ST6GALNAC3: variants seen among roughly 807,000 people sequenced by gnomAD.
ST6GALNAC3 encodes alpha-N-acetylgalactosaminide alpha-2,6-sialyltransferase 3.
Under a neutral mutation model 32.7 loss-of-function variants are expected in ST6GALNAC3, and 25 were observed. The observed-to-expected ratio is 0.76, with a 90% CI of 0.56 to 1.07. The LOEUF (loss-of-function observed/expected upper bound fraction) is 1.07. ST6GALNAC3 is among the 50% of genes least tolerant of loss of function. ST6GALNAC3 has a pLI of 0.00. For missense variants in ST6GALNAC3, 355 were observed against 382.4 expected (o/e 0.93, Z 0.60); for synonymous variants, 129 against 133.1 (o/e 0.97, Z 0.21).
At chr1:76,340,826 C>A (rs1557802819) in intron 2 of ST6GALNAC3, among the ~76,000 whole-genome samples, 1 of 151,952 alleles carries the variant, frequency 6.6e-6, no homozygotes, top group Non-Finnish European at 1.5e-5. Context: ...CTAGAGCTGG[C>A]CCATTAACAC....
At chr1:76,135,570 T>C (rs944067025) in intron 1 of ST6GALNAC3, among the ~76,000 whole-genome samples, 1 of 152,196 alleles carries the variant, frequency 6.6e-6, no homozygotes, top group Non-Finnish European at 1.5e-5. Flanking sequence ...CAAAATTCAT[T>C]GGACATGGGG....
At chr1:76,420,984 G>T (rs920470666) in intron 3 of ST6GALNAC3, among the ~76,000 whole-genome samples, 1 of 151,858 alleles carries the variant, frequency 6.6e-6, no homozygotes, top group Non-Finnish European at 1.5e-5. Context: ...CTCTTCAAGT[G>T]GTCCATAAAC....
chr1:76,495,457 C>G (rs781450295), intron 3 of ST6GALNAC3, among the ~76,000 whole-genome samples: 24 of 151,886 alleles, frequency 1.6e-4, no homozygotes, highest in Admixed American at 3.9e-4. Context: ...ATGGTAAGTA[C>G]CATGGTAATC....
intron 1 of ST6GALNAC3, among the ~76,000 whole-genome samples, chr1:76,178,137 G>A (rs1341571053): frequency 2.0e-5 from 3 of 152,330 alleles, no homozygotes; most frequent in African/African-American, 7.2e-5. Context: ...CAGAGGCTCT[G>A]CCTCAGGACA....
intron 1 of ST6GALNAC3, among the ~76,000 whole-genome samples, chr1:76,156,549 T>C (rs1651440141): frequency 6.6e-6 from 1 of 152,196 alleles, no homozygotes. Context: ...TGTTTGGTTT[T>C]TTTTTTGCCT....
chr1:76,353,970 G>A (rs1476804021), intron 2 of ST6GALNAC3: 1 of 184,784 alleles, frequency 5.4e-6, no homozygotes, highest in East Asian at 1.3e-4. Context: ...TCTTTCCCTG[G>A]CATAGTTCTG....
intron 1 of ST6GALNAC3, among the ~76,000 whole-genome samples, chr1:76,271,781 A>G (rs1466732349): frequency 2.0e-5 from 3 of 152,200 alleles, no homozygotes; most frequent in Non-Finnish European, 4.4e-5. Context: ...TCAGGAACCC[A>G]TTGCAAAAGT....
chr1:76,225,962 T>G (rs1656043348), intron 1 of ST6GALNAC3, among the ~76,000 whole-genome samples: 1 of 152,204 alleles, frequency 6.6e-6, no homozygotes, highest in African/African-American at 2.4e-5. Flanking sequence ...TTAATGTTAT[T>G]TTTGCATTTA....
intron 1 of ST6GALNAC3, among the ~76,000 whole-genome samples, chr1:76,079,524 T>A (rs763028126): frequency 2.0e-5 from 3 of 152,240 alleles, no homozygotes; most frequent in Non-Finnish European, 4.4e-5. Context: ...GAGAATCATT[T>A]CTGCCTTCGA....
rs150725776 is a variant in ST6GALNAC3, at chr1:76,373,909, C to T, written c.214-38099C>T. Among the ~76,000 whole-genome samples the T allele has an allele frequency of 4.6e-5, 7 of 152,262 alleles. No homozygotes were observed. The East Asian group carries it at 1.4e-3, about 29-fold the overall frequency. On this transcript the variant is annotated intron_variant, in intron 2 of 4. Transcript: ENST00000328299. ...GTGTTTTCTAACCCCTTCCCACCCC[C>T]ACCATTCTTTTCTTTTGGTGCCTGG...
chr1:76,480,655 C>T (rs1473394265), intron 3 of ST6GALNAC3, among the ~76,000 whole-genome samples: 1 of 152,016 alleles, frequency 6.6e-6, no homozygotes, highest in Non-Finnish European at 1.5e-5. Context: ...CTCAACCCTG[C>T]CCCAAATATT....
intron 1 of ST6GALNAC3, among the ~76,000 whole-genome samples, chr1:76,118,537 G>C (rs1648639730): frequency 6.6e-6 from 1 of 152,144 alleles, no homozygotes; most frequent in Non-Finnish European, 1.5e-5. Flanking sequence ...CTGGTCTGGA[G>C]CTTAGGGGTC....
At chr1:76,287,521 T>C (rs1659854912) in intron 1 of ST6GALNAC3, among the ~76,000 whole-genome samples, 1 of 152,068 alleles carries the variant, frequency 6.6e-6, no homozygotes, top group South Asian at 2.1e-4. Flanking sequence ...GCAATTACTT[T>C]GGATTCATTT....
At position 76,314,048 on chromosome 1, in the gene ST6GALNAC3, A is replaced by G. The variant is rs564976649; in HGVS notation, c.213+49A>G. The G allele has an allele frequency of 3.2e-6, 5 of 1,558,828 alleles. No individual in the cohort carries two copies. In the Admixed American group the frequency reaches 9.4e-5, roughly 29 times the overall value. ...GCAGTTGGAGAGTATCCATGGTAAC[A>G]GCTTTTCTTTAGGAGCCAGAGGGCT... On this transcript the variant is annotated intron_variant, in intron 2 of 4. Transcript: ENST00000328299.
intron 3 of ST6GALNAC3, among the ~76,000 whole-genome samples, chr1:76,437,431 T>C (rs1307101067): frequency 6.6e-6 from 1 of 152,150 alleles, no homozygotes; most frequent in Non-Finnish European, 1.5e-5. Context: ...ATTGTTCTTA[T>C]AATCAAATGT....
intron 3 of ST6GALNAC3, among the ~76,000 whole-genome samples, chr1:76,559,789 C>G (rs963269586): frequency 6.6e-6 from 1 of 152,252 alleles, no homozygotes; most frequent in Admixed American, 6.5e-5. Flanking sequence ...CCTTGAATTG[C>G]TGATGCCGCC....
intron 1 of ST6GALNAC3, among the ~76,000 whole-genome samples, chr1:76,087,510 T>A (rs2100738553): frequency 1.3e-5 from 2 of 152,246 alleles, no homozygotes; most frequent in African/African-American, 4.8e-5. Context: ...TCTAGGGGAA[T>A]TTAGGGTGTG....
intron 1 of ST6GALNAC3, among the ~76,000 whole-genome samples, chr1:76,217,675 C>A (rs966889844): frequency 1.3e-5 from 2 of 152,180 alleles, no homozygotes; most frequent in Admixed American, 6.5e-5. Context: ...CCCATCCCAC[C>A]CTTTCTCCTG....
chr1:76,372,113 T>C (rs1315931065), intron 2 of ST6GALNAC3, among the ~76,000 whole-genome samples: 1 of 152,150 alleles, frequency 6.6e-6, no homozygotes, highest in Non-Finnish European at 1.5e-5. Context: ...TATTTTGGCA[T>C]GTGAGACTAT....
Sources: gnomAD v4.1 joint callset for allele counts (sites outside exome capture counted in the v4.1 genomes callset) on GRCh38, gnomAD v4.1.1 for gene constraint, MANE v1.5 for transcripts, NCBI Gene and HGNC (gene_info 2026-07-23, HGNC 2026-07-21) for gene names.